The following PATJ variants were observed in gnomAD, a reference collection of about 807,000 sequenced individuals.
The protein encoded by PATJ is inaD-like protein.
In PATJ, 190 loss-of-function variants were observed where a neutral mutation model predicts 224.9. The observed-to-expected ratio is 0.84, with a 90% CI of 0.75 to 0.95. The LOEUF is 0.95. Among genes scored for constraint, PATJ ranks in the 40% least tolerant of loss-of-function variants. PATJ has a pLI of 0.00. For synonymous variants in PATJ, 769 were observed against 820.3 expected, an observed-to-expected ratio of 0.94 and a Z score of 1.07; for missense variants, 2,121 against 2,270.3, an observed-to-expected ratio of 0.93 and a Z score of 1.34.
At chr1:61,915,808 T>C (rs902142107) in intron 26 of PATJ, among the ~76,000 whole-genome samples, 1 of 151,964 alleles carries the variant, frequency 6.6e-6, no homozygotes, top group Non-Finnish European at 1.5e-5. Flanking sequence ...GGGATTCTCC[T>C]GCCTCAGCCT....
At chr1:62,027,045 G>A (rs897491116) in intron 29 of PATJ, among the ~76,000 whole-genome samples, 8 of 152,098 alleles carry the variant, frequency 5.3e-5, no homozygotes, top group Admixed American at 6.6e-5. Context: ...ACACTGTTGG[G>A]CAACCATCAT....
At chr1:62,069,764 C>A (rs963484099) in intron 31 of PATJ, among the ~76,000 whole-genome samples, 4 of 152,130 alleles carry the variant, frequency 2.6e-5, no homozygotes, top group African/African-American at 9.7e-5. Context: ...TGTAAATGTG[C>A]TCAGGGCAAG....
At chr1:61,955,949 A>G (rs1680390141) in intron 27 of PATJ, among the ~76,000 whole-genome samples, 1 of 152,248 alleles carries the variant, frequency 6.6e-6, no homozygotes, top group Admixed American at 6.5e-5. Context: ...TACTCCAAAA[A>G]GCATACTGAA....
At chr1:61,807,942 A>C (rs1222916120) in intron 13 of PATJ, among the ~76,000 whole-genome samples, 2 of 152,330 alleles carry the variant, frequency 1.3e-5, no homozygotes, top group African/African-American at 2.4e-5. Context: ...TAAGTATTCC[A>C]TGAGCTTTCC....
At chr1:61,902,662 A>T (rs1203043150) in intron 24 of PATJ, among the ~76,000 whole-genome samples, 1 of 152,188 alleles carries the variant, frequency 6.6e-6, no homozygotes, top group Non-Finnish European at 1.5e-5. Context: ...ACTTATGGCA[A>T]TGAAGAAAAT....
intron 24 of PATJ, among the ~76,000 whole-genome samples, chr1:61,907,999 A>G (rs1180923348): frequency 6.6e-6 from 1 of 152,198 alleles, no homozygotes; most frequent in Non-Finnish European, 1.5e-5. Context: ...TGGAGAGATG[A>G]TAAAAGTCCA....
At chr1:61,880,795 T>G (rs1667981045) in intron 21 of PATJ, among the ~76,000 whole-genome samples, 1 of 152,252 alleles carries the variant, frequency 6.6e-6, no homozygotes, top group Admixed American at 6.5e-5. Context: ...AGAAATACAT[T>G]GCAGGAAAAA....
intron 22 of PATJ, among the ~76,000 whole-genome samples, chr1:61,895,506 A>T (rs1228153727): frequency 6.6e-6 from 1 of 152,234 alleles, no homozygotes; most frequent in African/African-American, 2.4e-5. Context: ...GGTACAGCTC[A>T]GGCTGTTGCT....
intron 43 of PATJ, among the ~76,000 whole-genome samples, chr1:62,159,034 ATC>A (rs1189178717): frequency 6.6e-6 from 1 of 152,244 alleles, no homozygotes; most frequent in Non-Finnish European, 1.5e-5. Context: ...TTACACAGAT[ATC>A]TGAGATTTAC....
intron 32 of PATJ, among the ~76,000 whole-genome samples, chr1:62,080,597 G>T (rs1264422967): frequency 6.6e-6 from 1 of 152,144 alleles, no homozygotes; most frequent in Non-Finnish European, 1.5e-5. Context: ...CTCCAAAAGT[G>T]CTGGGATTAC....
chr1:61,858,203 C>T (rs943432311), intron 18 of PATJ, among the ~76,000 whole-genome samples: 1 of 151,960 alleles, frequency 6.6e-6, no homozygotes, highest in Non-Finnish European at 1.5e-5. Flanking sequence ...GGCAGGCACT[C>T]GTATGGCAAA....
chr1:61,819,847 G>A (rs1038040247), intron 14 of PATJ, among the ~76,000 whole-genome samples: 2 of 152,118 alleles, frequency 1.3e-5, no homozygotes, highest in Non-Finnish European at 2.9e-5. Flanking sequence ...AGCACTTCAT[G>A]TGTCTCTTTC....
chr1:61,896,605 A>G (rs190928509), intron 22 of PATJ, among the ~76,000 whole-genome samples: 1 of 152,234 alleles, frequency 6.6e-6, no homozygotes, highest in East Asian at 1.9e-4. Context: ...TGAAAAGTAC[A>G]TGAGAGTTGG....
chr1:61,775,535 G>A (rs1329520378), intron 7 of PATJ, among the ~76,000 whole-genome samples: 2 of 152,036 alleles, frequency 1.3e-5, no homozygotes, highest in African/African-American at 4.8e-5. Flanking sequence ...AACATTTTTG[G>A]GGTTTGTTTT....
chr1:61,883,319 A>G (rs538547531), intron 21 of PATJ, among the ~76,000 whole-genome samples: 1 of 152,270 alleles, frequency 6.6e-6, no homozygotes, highest in Admixed American at 6.5e-5. Flanking sequence ...GTAAATATTT[A>G]AATAAATTAT....
intron 27 of PATJ, among the ~76,000 whole-genome samples, chr1:61,939,357 GAC>G (rs61115372): frequency 3.5e-4 from 52 of 146,536 alleles, no homozygotes; most frequent in Middle Eastern, 3.4e-3. Context: ...TCAGAAGAAA[GAC>G]ACACACACAC....
Position 62,079,472 on chromosome 1 carries a change from A to G in PATJ, c.4148A>G (p.Gln1383Arg). 1 of 1,613,468 alleles carries G rather than the reference A, an allele frequency of 6.2e-7. No individual in the cohort carries two copies. The highest frequency in any genetic ancestry group is 1.3e-5 in the African/African-American group (1 of 75,034). ...FKLAVSQMKQ[Q>R]KYPTKVSFSS... ...TAGGCTGTCAGCCAGATGAAACAGCAAAAATATCCAACAAAAGTCTCCTTC... is the reference window on the plus strand; with the variant it reads ...TAGGCTGTCAGCCAGATGAAACAGCGAAAATATCCAACAAAAGTCTCCTTC... Residue 1383 changes from glutamine to arginine, a missense_variant, in exon 32 of 44, where the codon CAA becomes CGA. Coordinates refer to ENST00000642238, the MANE Select transcript of PATJ (RefSeq NM_001350145.3).
chr1:61,863,626 A>C (rs1450341480), intron 19 of PATJ, among the ~76,000 whole-genome samples: 2 of 152,230 alleles, frequency 1.3e-5, no homozygotes, highest in African/African-American at 4.8e-5. Flanking sequence ...TGTTCTGATT[A>C]GTGAAATATA....
chr1:62,034,508 G>A (rs1649986034), intron 29 of PATJ, among the ~76,000 whole-genome samples: 2 of 150,916 alleles, frequency 1.3e-5, no homozygotes, highest in South Asian at 4.2e-4. Flanking sequence ...GAGAATCATA[G>A]GATATGAGGG....
Sources: gnomAD v4.1 joint callset for allele counts (sites outside exome capture counted in the v4.1 genomes callset) on GRCh38, gnomAD v4.1.1 for gene constraint, MANE v1.5 for transcripts, NCBI Gene and HGNC (gene_info 2026-07-23, HGNC 2026-07-21) for gene names.